NFIB: variants seen among roughly 807,000 people sequenced by gnomAD.
NFIB encodes nuclear factor I B.
Under a neutral mutation model 61.5 loss-of-function variants are expected in NFIB, and 11 were observed. That is an observed-to-expected ratio of 0.18 (90% CI 0.11 to 0.30). The LOEUF is 0.30. NFIB is among the 10% of genes least tolerant of loss of function. The probability of loss-of-function intolerance (pLI) is 1.00; values close to 1 mark genes in which losing one functional copy is unlikely to be tolerated. For synonymous variants in NFIB, 260 were observed against 216.5 expected (o/e 1.20, Z -1.76); for missense variants, 471 against 608.9 (o/e 0.77, Z 2.38).
At chr9:14,105,476 C>CTA (rs2036420678) in intron 10 of NFIB, among the ~76,000 whole-genome samples, 1 of 152,074 alleles carries the variant, frequency 6.6e-6, no homozygotes, top group Admixed American at 6.6e-5. Flanking sequence ...AGGAGACACG[C>CTA]TATAACTTAA....
chr9:14,122,946 C>T (rs1472561228), intron 7 of NFIB, among the ~76,000 whole-genome samples: 2 of 151,968 alleles, frequency 1.3e-5, no homozygotes, highest in Non-Finnish European at 2.9e-5. Context: ...CCATTCTAGT[C>T]CTTTAAAAAT....
chr9:14,146,609 T>A, intron 6 of NFIB, 80 bp downstream of exon 6: 1 of 1,594,318 alleles, frequency 6.3e-7, no homozygotes, highest in South Asian at 1.1e-5. Flanking sequence ...GGTTTAATTA[T>A]GAAATTTTGA....
chr9:14,103,147 AAAGTGAGGAATGCACTGAATAC>A (rs2036022258), intron 10 of NFIB, among the ~76,000 whole-genome samples: 2 of 152,230 alleles, frequency 1.3e-5, no homozygotes, highest in African/African-American at 2.4e-5. Context: ...ACATCTGAAG[AAAGTGAGGAATGCACTGAATAC>A]AAGCTGAAAC....
chr9:14,449,239 A>T, the NFIB span, among the ~76,000 whole-genome samples: 2 of 152,172 alleles, frequency 1.3e-5, no homozygotes, highest in African/African-American at 4.8e-5. Context: ...AAGTCTCATA[A>T]TTCCCCCAAC....
At chr9:14,350,713 A>T (rs2061098505) in intron 1 of NFIB, among the ~76,000 whole-genome samples, 1 of 152,162 alleles carries the variant, frequency 6.6e-6, no homozygotes, top group African/African-American at 2.4e-5. Flanking sequence ...GTAAATGCAG[A>T]TACCTTATGG....
the NFIB span, among the ~76,000 whole-genome samples, chr9:14,462,484 G>A: frequency 5.3e-5 from 8 of 151,994 alleles, no homozygotes; most frequent in South Asian, 2.1e-4. Context: ...GGGTTTCACT[G>A]TGTTAGCCAG....
At chr9:14,205,930 AACACAC>A (rs112967996) in intron 2 of NFIB, among the ~76,000 whole-genome samples, 38 of 148,680 alleles carry the variant, frequency 2.6e-4, no homozygotes, top group Middle Eastern at 3.5e-3. Flanking sequence ...TCACCTGAAA[AACACAC>A]ACACACACAC....
intron 2 of NFIB, among the ~76,000 whole-genome samples, chr9:14,260,459 T>C (rs2056641580): frequency 1.3e-5 from 2 of 152,236 alleles, no homozygotes; most frequent in Admixed American, 6.5e-5. Context: ...TGAAACTCGT[T>C]TGTCACTTTC....
At chr9:14,408,214 G>T in the NFIB span, among the ~76,000 whole-genome samples, 1 of 152,098 alleles carries the variant, frequency 6.6e-6, no homozygotes. Flanking sequence ...GGGCCTCATG[G>T]ATCTGGAACT....
Position 14,216,526 on chromosome 9 carries a change from C to G in NFIB, c.563-36746G>C, listed in dbSNP as rs1432122267. ...TCTCTCTCTCTCTCTCTCTCTCTCTCTCTCTCTCTCTCTCTCCCTCTGTGT... is the reference window on the plus strand; with the variant it reads ...TCTCTCTCTCTCTCTCTCTCTCTCTGTCTCTCTCTCTCTCTCCCTCTGTGT... On this transcript the variant is annotated intron_variant, in intron 2 of 10. Transcript: ENST00000380953. Among the ~76,000 whole-genome samples, 33 of 52,550 alleles carry G rather than the reference C, an allele frequency of 6.3e-4. 1 individual carries two copies. Among genetic ancestry groups the G allele is most frequent in the African/African-American group, 2.7e-3 (18 of 6,590 alleles). The allele number at this position is 52,550 out of a possible 152,430, so 34.5% of individuals were successfully genotyped here.
At chr9:14,150,341 T>A in intron 4 of NFIB, 76 bp from the exon 5 acceptor site, 3 of 1,597,038 alleles carry the variant, frequency 1.9e-6, no homozygotes, top group Non-Finnish European at 2.6e-6. Flanking sequence ...TAATCGAGAA[T>A]CTTTCATGCC....
At chr9:14,130,103 T>C (rs1394765120) in intron 6 of NFIB, among the ~76,000 whole-genome samples, 2 of 152,158 alleles carry the variant, frequency 1.3e-5, no homozygotes, top group South Asian at 2.1e-4. Context: ...CCCTTTTCAC[T>C]TGTACCTGGC....
the NFIB span, among the ~76,000 whole-genome samples, chr9:14,458,871 T>G: frequency 6.6e-6 from 1 of 151,366 alleles, no homozygotes; most frequent in Non-Finnish European, 1.5e-5. Context: ...TAAAAGAGGA[T>G]ACAAACAAAT....
upstream of NFIB, among the ~76,000 whole-genome samples, chr9:14,319,037 C>A (rs548413786): frequency 6.6e-6 from 1 of 152,262 alleles, no homozygotes; most frequent in South Asian, 2.1e-4. Context: ...TTCCCCACCC[C>A]CATTGCTAGC....
At position 14,084,469 on chromosome 9, in the gene NFIB, TTAAGA is replaced by T. The variant is rs2032524661; in HGVS notation, c.*3835_*3839del. 1.3e-5 allele frequency: 3 copies of T among 224,704 alleles called. No homozygotes were observed. The South Asian group carries it at 5.5e-4, about 41-fold the overall frequency. 13.9% of individuals were successfully genotyped at this position (224,704 alleles called of 1,614,324 possible). On this transcript the variant is annotated 3_prime_UTR_variant, in exon 11 of 11. Coordinates refer to ENST00000380953, the MANE Select transcript of NFIB (RefSeq NM_001190737.2). ...TTACCCGATAACTATATTGCTATAATTAAGATTTTTGCCATGTCTTTATGTACAGT... is the reference window on the plus strand; with the variant it reads ...TTACCCGATAACTATATTGCTATAATTTTTTGCCATGTCTTTATGTACAGT...
chr9:14,204,467 C>T, intron 2 of NFIB: 1 of 1,034,034 alleles, frequency 9.7e-7, no homozygotes, highest in Non-Finnish European at 1.5e-6. Flanking sequence ...CTATAAGCGA[C>T]TGAAAATGCC....
chr9:14,235,920 C>T (rs1428936968), intron 2 of NFIB, among the ~76,000 whole-genome samples: 2 of 152,196 alleles, frequency 1.3e-5, no homozygotes, highest in African/African-American at 2.4e-5. Flanking sequence ...TGCAAGCTCA[C>T]CATTATGTAT....
chr9:14,354,387 G>A (rs2061151419), intron 1 of NFIB, among the ~76,000 whole-genome samples: 1 of 152,176 alleles, frequency 6.6e-6, no homozygotes, highest in Non-Finnish European at 1.5e-5. Flanking sequence ...TATTGTGCTG[G>A]AAATTCTGCT....
At chr9:14,199,471 A>G (rs2048789074) in intron 2 of NFIB, among the ~76,000 whole-genome samples, 1 of 152,266 alleles carries the variant, frequency 6.6e-6, no homozygotes. Flanking sequence ...CTACTTAAAC[A>G]GGATCCTCCT....
Sources: gnomAD v4.1 joint callset for allele counts (sites outside exome capture counted in the v4.1 genomes callset) on GRCh38, gnomAD v4.1.1 for gene constraint, MANE v1.5 for transcripts, NCBI Gene and HGNC (gene_info 2026-07-23, HGNC 2026-07-21) for gene names.